ARHGAP24: variants seen among roughly 807,000 people sequenced by gnomAD.
The protein encoded by ARHGAP24 is rho GTPase-activating protein 24.
Under a neutral mutation model 76.4 loss-of-function variants are expected in ARHGAP24, and 50 were observed. That is an observed-to-expected ratio of 0.65 (90% CI 0.52 to 0.83). The LOEUF is 0.83. ARHGAP24 is among the 40% of genes least tolerant of loss of function. The pLI, the probability that ARHGAP24 is intolerant of heterozygous loss-of-function variation, is 0.00. For synonymous variants in ARHGAP24, 345 were observed against 323.3 expected (o/e 1.07, Z -0.72); for missense variants, 930 against 914.2 (o/e 1.02, Z -0.22).
intron 3 of ARHGAP24, among the ~76,000 whole-genome samples, chr4:85,728,569 C>T (rs912959384): frequency 5.3e-5 from 8 of 152,078 alleles, no homozygotes; most frequent in Non-Finnish European, 1.2e-4. Context: ...TGTGTAACTC[C>T]ACAGACCTAT....
At chr4:85,623,164 C>T (rs1720786865) in intron 2 of ARHGAP24, among the ~76,000 whole-genome samples, 1 of 152,170 alleles carries the variant, frequency 6.6e-6, no homozygotes, top group Admixed American at 6.5e-5. Flanking sequence ...GACACGAAGT[C>T]CTTGCCCATG....
At chr4:85,580,136 T>TGG (rs557805004) in intron 2 of ARHGAP24, among the ~76,000 whole-genome samples, 1 of 144,780 alleles carries the variant, frequency 6.9e-6, no homozygotes. Context: ...GTGTGTGTGG[T>TGG]GGGGGGGGAG....
intron 3 of ARHGAP24, among the ~76,000 whole-genome samples, chr4:85,814,718 G>A (rs745556070): frequency 8.5e-5 from 13 of 152,130 alleles, no homozygotes; most frequent in Non-Finnish European, 1.9e-4. Flanking sequence ...AATGGTGCAA[G>A]CTGTCAGTGG....
intron 3 of ARHGAP24, among the ~76,000 whole-genome samples, chr4:85,735,571 T>C (rs2624023): frequency 0.66 from 99,878 of 152,034 alleles, 35,851 homozygotes; most frequent in Non-Finnish European, 0.82. Context: ...CTAACTTTCT[T>C]AGTTTTCATC....
At chr4:85,731,622 C>T (rs923608878) in intron 3 of ARHGAP24, among the ~76,000 whole-genome samples, 1 of 152,088 alleles carries the variant, frequency 6.6e-6, no homozygotes, top group African/African-American at 2.4e-5. Context: ...AGACTCTACA[C>T]GATTTTAAAA....
chr4:85,712,562 A>G (rs1287099335), intron 2 of ARHGAP24, among the ~76,000 whole-genome samples: 10 of 152,010 alleles, frequency 6.6e-5, no homozygotes, highest in African/African-American at 2.4e-4. Flanking sequence ...CTGTCTTCTG[A>G]GGGTTTGGGG....
rs548360136 is a variant in ARHGAP24 at position 85,918,473 on chromosome 4, T to A, written c.269-5175T>A. On this transcript the variant is annotated intron_variant, in intron 3 of 9. Transcript: ENST00000395184. ...ATTAAAAGTATAATTTTTGAAATTA[T>A]TATTTTGTAATTACTAAAAGTGTCA... 3.9e-5 allele frequency among the ~76,000 whole-genome samples: 6 copies of A among 152,096 alleles called. No homozygotes were observed. The East Asian group carries it at 7.7e-4, about 20-fold the overall frequency.
chr4:85,689,596 C>T (rs566902111), intron 2 of ARHGAP24, among the ~76,000 whole-genome samples: 4 of 152,162 alleles, frequency 2.6e-5, no homozygotes, highest in South Asian at 4.1e-4. Flanking sequence ...GCCATGTTAC[C>T]CAGGCTAGTC....
At chr4:85,863,945 C>A (rs979816094) in intron 3 of ARHGAP24, among the ~76,000 whole-genome samples, 5 of 152,052 alleles carry the variant, frequency 3.3e-5, no homozygotes, top group Non-Finnish European at 7.4e-5. Flanking sequence ...TCTGAGGAGG[C>A]AGTGTCTGAT....
intron 1 of ARHGAP24, among the ~76,000 whole-genome samples, chr4:85,506,306 A>G (rs1323032082): frequency 6.6e-6 from 1 of 152,238 alleles, no homozygotes; most frequent in Non-Finnish European, 1.5e-5. Flanking sequence ...TTAAATTTGC[A>G]GAAGTTTCTG....
chr4:85,929,409 G>A (rs1736195419), intron 4 of ARHGAP24, among the ~76,000 whole-genome samples: 2 of 152,194 alleles, frequency 1.3e-5, no homozygotes, highest in Admixed American at 6.5e-5. Flanking sequence ...GGCTGGGAAG[G>A]AACACAGAGG....
chr4:86,000,885 CAA>C lies in ARHGAP24; in HGVS notation c.*165_*166del. The C allele has an allele frequency of 2.0e-6, 2 of 1,022,594 alleles. No individual in the cohort carries two copies. The highest frequency in any genetic ancestry group is 2.9e-6 in the Non-Finnish European group (2 of 700,606). 63.3% of individuals were successfully genotyped at this position (1,022,594 alleles called of 1,614,324 possible). On this transcript the variant is annotated 3_prime_UTR_variant, in exon 10 of 10. Transcript: ENST00000395184. ...AAACATCCATATCTGCAATGTGTAC[CAA>C]AGTTATATCATGCCCCATAATGCTA...
intron 1 of ARHGAP24, among the ~76,000 whole-genome samples, chr4:85,538,670 AT>A (rs1402765708): frequency 6.6e-6 from 1 of 152,180 alleles, no homozygotes; most frequent in Non-Finnish European, 1.5e-5. Context: ...GACTTTGAGA[AT>A]TCTACCAAAG....
At chr4:85,964,879 A>G (rs1265646972) in intron 5 of ARHGAP24, among the ~76,000 whole-genome samples, 1 of 151,998 alleles carries the variant, frequency 6.6e-6, no homozygotes, top group South Asian at 2.1e-4. Flanking sequence ...GTGTGTGTGT[A>G]CTCACATGCA....
chr4:85,531,105 T>C (rs1274855554), intron 1 of ARHGAP24, among the ~76,000 whole-genome samples: 1 of 152,008 alleles, frequency 6.6e-6, no homozygotes, highest in Non-Finnish European at 1.5e-5. Context: ...CTATGGGACT[T>C]TGTGTGTCAG....
At chr4:85,702,114 TTATAAGA>T (rs1724113446) in intron 2 of ARHGAP24, among the ~76,000 whole-genome samples, 1 of 152,170 alleles carries the variant, frequency 6.6e-6, no homozygotes, top group Middle Eastern at 3.2e-3. Flanking sequence ...TTCTCTCTAG[TTATAAGA>T]TATATGTATA....
At chr4:85,825,082 T>A (rs1257301359) in intron 3 of ARHGAP24, among the ~76,000 whole-genome samples, 1 of 151,656 alleles carries the variant, frequency 6.6e-6, no homozygotes, top group African/African-American at 2.4e-5. Context: ...AGAGCAAGAC[T>A]TCATCTCAAA....
chr4:85,792,335 G>T (rs1401729901), intron 3 of ARHGAP24, among the ~76,000 whole-genome samples: 1 of 152,068 alleles, frequency 6.6e-6, no homozygotes, highest in Admixed American at 6.6e-5. Context: ...CAAGGCCAAG[G>T]AAGAAAAATG....
chr4:85,643,234 G>GGTTTTT (rs1721592118), intron 2 of ARHGAP24, among the ~76,000 whole-genome samples: 1 of 54,630 alleles, frequency 1.8e-5, no homozygotes, highest in African/African-American at 5.9e-5. Flanking sequence ...GTTTTTTTGT[G>GGTTTTT]TTTTTTTTTT....
Sources: gnomAD v4.1 joint callset for allele counts (sites outside exome capture counted in the v4.1 genomes callset) on GRCh38, gnomAD v4.1.1 for gene constraint, MANE v1.5 for transcripts, NCBI Gene and HGNC (gene_info 2026-07-23, HGNC 2026-07-21) for gene names.